The following CHN1 variants were observed in gnomAD, a reference collection of about 807,000 sequenced individuals.
CHN1 encodes the protein chimerin 1, also known as N-chimaerin.
In CHN1, 37 loss-of-function variants were observed where a neutral mutation model predicts 59.5. That is an observed-to-expected ratio of 0.62 (90% CI 0.48 to 0.82). The LOEUF (loss-of-function observed/expected upper bound fraction) is 0.82, where lower values mean the gene tolerates loss of function less well. CHN1 is among the 40% of genes least tolerant of loss of function. CHN1 has a pLI of 0.00. For synonymous variants in CHN1, 206 were observed against 200.4 expected (o/e 1.03, Z -0.24); for missense variants, 469 against 571.0 (o/e 0.82, Z 1.82).
At chr2:174,958,723 T>C (rs1490106594) in intron 1 of CHN1, among the ~76,000 whole-genome samples, 5 of 152,206 alleles carry the variant, frequency 3.3e-5, no homozygotes, top group African/African-American at 1.2e-4. Flanking sequence ...AAAATGGGAA[T>C]AGTAACAACA....
At chr2:174,847,541 C>T in intron 6 of CHN1, 1 of 1,250,128 alleles carries the variant, frequency 8.0e-7, no homozygotes, top group African/African-American at 1.5e-5. Flanking sequence ...TGAAAGATGC[C>T]TACATACTGC....
chr2:174,847,658 G>A (rs1421981131), intron 6 of CHN1: 2 of 1,316,036 alleles, frequency 1.5e-6, no homozygotes, highest in African/African-American at 3.1e-5. Flanking sequence ...GCCACCGTAA[G>A]AAAGGAGATA....
intron 3 of CHN1, among the ~76,000 whole-genome samples, chr2:174,935,944 T>C (rs1312592745): frequency 6.6e-6 from 1 of 152,034 alleles, no homozygotes; most frequent in African/African-American, 2.4e-5. Context: ...AAAAAATATA[T>C]TAAAAGTAAA....
chr2:174,957,460 G>A, intron 1 of CHN1, among the ~76,000 whole-genome samples: 1 of 143,882 alleles, frequency 7.0e-6, no homozygotes, highest in Non-Finnish European at 1.5e-5. Flanking sequence ...GGGGGGGGCA[G>A]TTAATTATAT....
intron 3 of CHN1, among the ~76,000 whole-genome samples, chr2:174,940,030 T>A (rs906409491): frequency 8.5e-5 from 13 of 152,100 alleles, no homozygotes; most frequent in African/African-American, 2.9e-4. Context: ...TATTTTATTT[T>A]ATTTATTTAT....
intron 5 of CHN1, among the ~76,000 whole-genome samples, chr2:174,912,447 G>GA (rs1285926122): frequency 6.6e-6 from 1 of 152,194 alleles, no homozygotes; most frequent in Non-Finnish European, 1.5e-5. Flanking sequence ...GCACATTTGG[G>GA]AGAAAAGTGT....
intron 7 of CHN1, among the ~76,000 whole-genome samples, chr2:174,828,654 C>T (rs910862436): frequency 6.6e-6 from 1 of 152,146 alleles, no homozygotes. Flanking sequence ...ATGATGAAAT[C>T]TGAATACAAT....
Position 174,975,476 on chromosome 2 carries a change from C to G in CHN1, c.20-23274G>C, listed in dbSNP as rs188788437. Among the ~76,000 whole-genome samples the G allele has an allele frequency of 2.2e-3, 337 of 152,194 alleles. 2 individuals carry two copies. Among genetic ancestry groups the G allele is most frequent in the African/African-American group, 7.9e-3 (327 of 41,538 alleles). On this transcript the variant is annotated intron_variant, in intron 1 of 12. Coordinates refer to ENST00000409900, the MANE Select transcript of CHN1 (RefSeq NM_001822.7). ...GGCATGCAACACTTCACCTTTAAAT[C>G]ATTCAGCACTTACCTACTAAAAAAA...
intron 1 of CHN1, among the ~76,000 whole-genome samples, chr2:174,988,866 G>C (rs2105459758): frequency 6.6e-6 from 1 of 152,248 alleles, no homozygotes; most frequent in South Asian, 2.1e-4. Context: ...TAAAGTATTA[G>C]ACTTTATTTC....
intron 6 of CHN1, among the ~76,000 whole-genome samples, chr2:174,877,554 C>T (rs1687604647): frequency 6.6e-6 from 1 of 152,110 alleles, no homozygotes; most frequent in African/African-American, 2.4e-5. Flanking sequence ...TGCTTCTGAC[C>T]AATCCCCTGA....
intron 6 of CHN1, among the ~76,000 whole-genome samples, chr2:174,868,530 A>C (rs1404562444): frequency 6.6e-6 from 1 of 152,250 alleles, no homozygotes; most frequent in East Asian, 1.9e-4. Flanking sequence ...TACTAAACTA[A>C]TATGCAAATA....
chr2:174,943,300 C>A (rs541106105), intron 3 of CHN1, among the ~76,000 whole-genome samples: 1 of 151,870 alleles, frequency 6.6e-6, no homozygotes, highest in Admixed American at 6.6e-5. Context: ...CATCTCAGCT[C>A]ACTGCAACCT....
At chr2:174,894,887 T>C (rs1320421995) in intron 5 of CHN1, among the ~76,000 whole-genome samples, 1 of 152,096 alleles carries the variant, frequency 6.6e-6, no homozygotes, top group Non-Finnish European at 1.5e-5. Flanking sequence ...CGTGCCATTC[T>C]GAATAGCGTG....
intron 1 of CHN1, among the ~76,000 whole-genome samples, chr2:174,982,046 G>C (rs1421077676): frequency 6.6e-6 from 1 of 152,148 alleles, no homozygotes; most frequent in African/African-American, 2.4e-5. Context: ...AACACGCGGT[G>C]TTTGGTTTTT....
intron 7 of CHN1, among the ~76,000 whole-genome samples, chr2:174,830,281 G>A (rs994641428): frequency 6.6e-6 from 1 of 152,062 alleles, no homozygotes; most frequent in Non-Finnish European, 1.5e-5. Context: ...TACCACTTCA[G>A]TTTAAAGTAC....
intron 7 of CHN1, among the ~76,000 whole-genome samples, chr2:174,835,525 A>C (rs1686045677): frequency 6.8e-6 from 1 of 147,986 alleles, no homozygotes; most frequent in Admixed American, 6.7e-5. Flanking sequence ...AATTACACTT[A>C]TGTTAAGACT....
intron 1 of CHN1, among the ~76,000 whole-genome samples, chr2:174,963,723 T>C (rs1559000619): frequency 6.6e-6 from 1 of 152,206 alleles, no homozygotes; most frequent in Non-Finnish European, 1.5e-5. Context: ...GACAGAAGAA[T>C]GCTGTAGTCA....
intron 1 of CHN1, among the ~76,000 whole-genome samples, chr2:174,988,897 T>C (rs1179578351): frequency 6.6e-6 from 1 of 152,222 alleles, no homozygotes; most frequent in Non-Finnish European, 1.5e-5. Flanking sequence ...ACCATTTCTG[T>C]CTGCATTCAA....
chr2:174,911,238 A>G (rs1182395218), intron 5 of CHN1, among the ~76,000 whole-genome samples: 1 of 152,188 alleles, frequency 6.6e-6, no homozygotes, highest in Non-Finnish European at 1.5e-5. Flanking sequence ...AATTAGTTCT[A>G]AAATGATGAA....
Sources: gnomAD v4.1 joint callset for allele counts (sites outside exome capture counted in the v4.1 genomes callset) on GRCh38, gnomAD v4.1.1 for gene constraint, MANE v1.5 for transcripts, NCBI Gene and HGNC (gene_info 2026-07-23, HGNC 2026-07-21) for gene names.